POR: variants seen among roughly 807,000 people sequenced by gnomAD.
POR encodes the protein NADPH--cytochrome P450 reductase.
Under a neutral mutation model 84.0 loss-of-function variants are expected in POR, and 56 were observed. The observed-to-expected ratio is 0.67, with a 90% CI of 0.54 to 0.83. POR has a LOEUF of 0.83. Among genes scored for constraint, POR ranks in the 40% least tolerant of loss-of-function variants. The pLI is 0.00. For synonymous variants in POR, 414 were observed against 400.5 expected (o/e 1.03, Z -0.40); for missense variants, 938 against 944.3 (o/e 0.99, Z 0.09).
intron 7 of POR, 56 bp from the exon 8 acceptor site, chr7:75,982,168 C>T (rs1789087954): frequency 7.2e-7 from 1 of 1,395,864 alleles, no homozygotes; most frequent in Non-Finnish European, 1.0e-6. Context: ...CAACCCCTCC[C>T]TCTCGGGACT....
At chr7:75,958,026 C>T (rs1342425137) in intron 2 of POR, among the ~76,000 whole-genome samples, 1 of 152,214 alleles carries the variant, frequency 6.6e-6, no homozygotes, top group African/African-American at 2.4e-5. Context: ...GTACTTACCT[C>T]ATAAGGCTGT....
chr7:75,956,727 T>C (rs1787702747), intron 2 of POR, among the ~76,000 whole-genome samples: 1 of 148,110 alleles, frequency 6.8e-6, no homozygotes, highest in Non-Finnish European at 1.5e-5. Context: ...TGTTGCAACA[T>C]AGTTTTTTTT....
At chr7:75,923,469 A>T in intron 1 of POR, 1 of 519,056 alleles carries the variant, frequency 1.9e-6, no homozygotes, top group South Asian at 2.4e-5. Context: ...AACTACAGTA[A>T]ATTTTTATCA....
At chr7:75,965,976 C>T (rs1788163236) in intron 2 of POR, among the ~76,000 whole-genome samples, 2 of 152,134 alleles carry the variant, frequency 1.3e-5, no homozygotes, top group South Asian at 4.1e-4. Context: ...GGGGAGCAGA[C>T]AGGAACCCCG....
Position 75,979,436 on chromosome 7 carries a change from G to A in POR, c.238-15G>A, listed in dbSNP as rs1788879534. 1 of 1,611,654 alleles carries A rather than the reference G, an allele frequency of 6.2e-7. No individual in the cohort carries two copies. The highest frequency in any genetic ancestry group is 8.5e-7 in the Non-Finnish European group (1 of 1,179,116). On this transcript the variant is annotated splice_polypyrimidine_tract_variant and intron_variant, in intron 3 of 15. Transcript: ENST00000461988. The stretch of plus-strand genomic sequence containing the variant: ...GGTCTGTGGCCCTCACCAACCCTGT[G>A]TCTGCCTTCCTTAGGGGAGGAACAT...
Position 75,986,163 on chromosome 7 carries a change from A to G in POR, c.1820A>G (p.Tyr607Cys), listed in dbSNP as rs72557954. ...CAGCACCACCCTTGGCCCCAGGTCT[A>G]CGTCCAGCACCTGCTAAAGCAAGAC... is the stretch of plus-strand genomic sequence containing the variant. Residue 607 changes from tyrosine (Y) to cysteine (C), a missense_variant, in exon 15 of 16, where the codon TAC (tyrosine) becomes TGC (cysteine). Transcript: ENST00000461988. 7.5e-5 allele frequency: 120 copies of G among 1,610,516 alleles called. No homozygotes were observed. The highest frequency in any genetic ancestry group is 4.2e-4 in the East Asian group (19 of 44,806).
chr7:75,923,221 T>C, intron 1 of POR: 1 of 1,113,694 alleles, frequency 9.0e-7, no homozygotes, highest in East Asian at 2.4e-5. Flanking sequence ...AACACAGTGA[T>C]TGAGGAGCAC....
intron 10 of POR, 133 bp from the exon 11 acceptor site, chr7:75,984,644 G>A (rs1789294909): frequency 2.6e-6 from 2 of 778,750 alleles, no homozygotes; most frequent in Non-Finnish European, 4.4e-6. Context: ...AGAGAGCATA[G>A]GCCTTGTTTC....
chr7:75,921,896 A>G (rs574910216), intron 1 of POR, among the ~76,000 whole-genome samples: 1 of 152,120 alleles, frequency 6.6e-6, no homozygotes, highest in African/African-American at 2.4e-5. Flanking sequence ...TAGTAGAGAC[A>G]GGGTTTCACC....
rs1460021220 is a variant in POR at position 75,932,577 on chromosome 7, T to TG, written c.-5+17398_-5+17399insG. Among the ~76,000 whole-genome samples, 94 of 149,332 alleles carry TG rather than the reference T, an allele frequency of 6.3e-4. No homozygotes were observed. In the Middle Eastern group the frequency reaches 0.01, roughly 16 times the overall value. On this transcript the variant is annotated intron_variant, in intron 1 of 15. Transcript: ENST00000461988. ...TTCATGACTTTTTTAAAAACAGTTT[T>TG]AATTTTTTTTTCTGTACTAGAAAAT... is the stretch of plus-strand genomic sequence containing the variant.
intron 1 of POR, among the ~76,000 whole-genome samples, chr7:75,953,540 C>A (rs1260616390): frequency 6.6e-6 from 1 of 152,092 alleles, no homozygotes; most frequent in Non-Finnish European, 1.5e-5. Context: ...AGACTTGGAA[C>A]ATGCAGGGTT....
intron 1 of POR, among the ~76,000 whole-genome samples, chr7:75,919,382 CGTGTGTGT>C (rs56136603): frequency 2.0e-4 from 29 of 146,530 alleles, no homozygotes; most frequent in South Asian, 2.0e-3. Context: ...TCTGTGCGTG[CGTGTGTGT>C]GTGTGTGTGT....
intron 1 of POR, chr7:75,918,764 T>TA (rs1806703260): frequency 1.3e-5 from 2 of 152,158 alleles, no homozygotes; most frequent in Admixed American, 1.3e-4. Flanking sequence ...GCCTGCTGTT[T>TA]GTTTCCACAG....
chr7:75,923,899 A>AAAAAG (rs1554549153), intron 1 of POR, among the ~76,000 whole-genome samples: 10 of 152,114 alleles, frequency 6.6e-5, no homozygotes, highest in Non-Finnish European at 1.2e-4. Flanking sequence ...AAAAAAAAAA[A>AAAAAG]AAAAGAAAAG....
chr7:75,965,813 C>CG (rs1352755749), intron 2 of POR, among the ~76,000 whole-genome samples: 1 of 152,044 alleles, frequency 6.6e-6, no homozygotes, highest in Non-Finnish European at 1.5e-5. Context: ...AGGACATGGT[C>CG]GGGGGGAATG....
chr7:75,924,656 T>C (rs1807032852), intron 1 of POR, among the ~76,000 whole-genome samples: 2 of 152,092 alleles, frequency 1.3e-5, no homozygotes, highest in African/African-American at 4.8e-5. Context: ...CAGTGAGCCA[T>C]GATCAGACCA....
At chr7:75,942,172 A>G (rs1047288413) in intron 1 of POR, among the ~76,000 whole-genome samples, 1 of 152,214 alleles carries the variant, frequency 6.6e-6, no homozygotes, top group African/African-American at 2.4e-5. Flanking sequence ...GGCTGGAGTG[A>G]GCTGCGATTG....
chr7:75,981,251 TTG>T, intron 6 of POR, 79 bp downstream of exon 6: 4 of 1,460,636 alleles, frequency 2.7e-6, no homozygotes, highest in South Asian at 1.4e-5. Context: ...GCGCACACCA[TTG>T]TGTCAGCTGA....
rs371432868 is a variant in POR at position 75,986,080 on chromosome 7, G to A, written c.1815+12G>A. On this transcript the variant is annotated intron_variant, in intron 14 of 15. Transcript: ENST00000461988. ...AGCAGTCCCACAAGGTGAGACGGGC[G>A]GGCACCCACGAAGGTGGGCATGAGG... The A allele has an allele frequency of 6.9e-4, 1,079 of 1,565,568 alleles. No homozygotes were observed. The highest frequency in any genetic ancestry group is 8.7e-4 in the Non-Finnish European group (1,009 of 1,156,078).
Sources: allele counts gnomAD v4.1 joint callset (sites outside exome capture counted in the v4.1 genomes callset), GRCh38; gene constraint gnomAD v4.1.1; transcripts MANE v1.5; gene names NCBI Gene and HGNC (gene_info 2026-07-23, HGNC 2026-07-21).